Variants in ITPRID1 observed in about 807,000 individuals in gnomAD.
The protein encoded by ITPRID1 is ITPR interacting domain containing 1, also known as protein ITPRID1.
A neutral mutation model predicts 95.4 loss-of-function variants in ITPRID1; 96 were observed. The observed-to-expected ratio is 1.01, with a 90% confidence interval of 0.85 to 1.19. ITPRID1 has a LOEUF of 1.19. Among genes scored for constraint, ITPRID1 ranks in the 50% most tolerant of loss-of-function variants. The probability of loss-of-function intolerance (pLI) is 0.00; values close to 1 mark genes in which losing one functional copy is unlikely to be tolerated. For synonymous variants in ITPRID1, 510 were observed against 453.6 expected, an observed-to-expected ratio of 1.12 and a Z score of -1.58; for missense variants, 1,339 against 1,252.9, an observed-to-expected ratio of 1.07 and a Z score of -1.04.
chr7:31,571,020 A>AT (rs1784968063), intron 6 of ITPRID1, among the ~76,000 whole-genome samples: 1 of 127,050 alleles, frequency 7.9e-6, no homozygotes, highest in Admixed American at 7.7e-5. Flanking sequence ...GGGCCCAGCT[A>AT]TTGTTTTTTT....
chr7:31,600,188 T>A (rs1188298196), intron 10 of ITPRID1, among the ~76,000 whole-genome samples: 1 of 152,024 alleles, frequency 6.6e-6, no homozygotes, highest in Non-Finnish European at 1.5e-5. Flanking sequence ...GACAAATGAG[T>A]TATTAAATTG....
chr7:31,520,740 C>G (rs1344915705), intron 1 of ITPRID1, among the ~76,000 whole-genome samples: 1 of 152,104 alleles, frequency 6.6e-6, no homozygotes, highest in Non-Finnish European at 1.5e-5. Context: ...GCCCTCTCAA[C>G]AGATAGAGGG....
In ITPRID1 at chr7:31,643,210, T is replaced by C. The variant is rs1033355135; in HGVS notation, c.1840T>C (p.Ser614Pro). ...HTQDKFLHVD[S>P]EAPREEESSG... ...TCAAGACAAGTTCCTTCATGTTGAC[T>C]CTGAGGCCCCACGAGAAGAGGAAAG... The change falls in exon 12 of 15, where the codon TCT becomes CCT. Residue 614 changes from serine to proline, a missense_variant. By Grantham distance (74) the Ser-to-Pro change is moderately conservative. Transcript: ENST00000615280. The C allele has an allele frequency of 5.0e-6, 8 of 1,613,806 alleles. No individual in the cohort carries two copies. The African/African-American group carries it at 1.1e-4, about 22-fold the overall frequency.
At chr7:31,638,558 TAATA>T (rs1433050273) in intron 10 of ITPRID1, among the ~76,000 whole-genome samples, 4 of 152,194 alleles carry the variant, frequency 2.6e-5, no homozygotes, top group East Asian at 1.9e-4. Flanking sequence ...AAGATGTAGA[TAATA>T]AATAAATAAA....
chr7:31,630,957 T>C (rs1474797249), intron 10 of ITPRID1, among the ~76,000 whole-genome samples: 1 of 152,146 alleles, frequency 6.6e-6, no homozygotes, highest in Non-Finnish European at 1.5e-5. Flanking sequence ...AACAGTCTTT[T>C]TAGAGAATAT....
chr7:31,554,281 C>A, intron 3 of ITPRID1, 194 bp from the exon 4 acceptor site: 1 of 1,021,562 alleles, frequency 9.8e-7, no homozygotes. Flanking sequence ...CAAGTTTACA[C>A]TTCATTCTCA....
At chr7:31,514,607 G>A (rs1210940343) in intron 1 of ITPRID1, among the ~76,000 whole-genome samples, 1 of 152,088 alleles carries the variant, frequency 6.6e-6, no homozygotes, top group Non-Finnish European at 1.5e-5. Context: ...TTATAAGCAC[G>A]GTGTTGCTCC....
At chr7:31,617,303 C>T (rs565582918) in intron 10 of ITPRID1, among the ~76,000 whole-genome samples, 10 of 151,964 alleles carry the variant, frequency 6.6e-5, no homozygotes, top group African/African-American at 1.7e-4. Flanking sequence ...ATGGGTTTCT[C>T]AACAAGTATT....
chr7:31,519,059 A>G (rs1374174285), intron 1 of ITPRID1, among the ~76,000 whole-genome samples: 1 of 152,188 alleles, frequency 6.6e-6, no homozygotes, highest in African/African-American at 2.4e-5. Flanking sequence ...CTCATTGTAC[A>G]TATGAGAAAA....
intron 1 of ITPRID1, among the ~76,000 whole-genome samples, chr7:31,528,960 C>T (rs542385321): frequency 6.6e-6 from 1 of 152,252 alleles, no homozygotes; most frequent in South Asian, 2.1e-4. Flanking sequence ...AGCATTATGT[C>T]ATATATAAGA....
At chr7:31,650,337 A>G (rs1790838537) in intron 12 of ITPRID1, among the ~76,000 whole-genome samples, 1 of 152,166 alleles carries the variant, frequency 6.6e-6, no homozygotes, top group Non-Finnish European at 1.5e-5. Flanking sequence ...TCCCAGGGAC[A>G]CAGCCTTGTG....
chr7:31,617,185 A>C (rs2128170060), intron 10 of ITPRID1, among the ~76,000 whole-genome samples: 1 of 152,322 alleles, frequency 6.6e-6, no homozygotes, highest in Admixed American at 6.5e-5. Context: ...AGCCTGGAGA[A>C]GGGAAGATCC....
chr7:31,555,717 A>G (rs1285409961), intron 5 of ITPRID1, among the ~76,000 whole-genome samples: 1 of 152,174 alleles, frequency 6.6e-6, no homozygotes, highest in Non-Finnish European at 1.5e-5. Context: ...TTAGATGAAA[A>G]AATTATTAGT....
intron 9 of ITPRID1, among the ~76,000 whole-genome samples, chr7:31,580,313 A>AG (rs897428867): frequency 2.6e-5 from 4 of 151,428 alleles, no homozygotes; most frequent in African/African-American, 9.7e-5. Flanking sequence ...AAAAAAAAAA[A>AG]AAGAATGTTA....
Position 31,642,682 on chromosome 7 carries a change from A to T in ITPRID1, c.1312A>T (p.Met438Leu). ...CCCTTTGTCCTGGTTTCCCCTACAGATGCCTTCCTTGCCAAACAGCCAGAG... is the reference window on the plus strand; with the variant it reads ...CCCTTTGTCCTGGTTTCCCCTACAGTTGCCTTCCTTGCCAAACAGCCAGAG... ...EEPLEPLPLQ[M>L]PSLPNSQSPA... The change falls in exon 12 of 15, where the codon ATG becomes TTG. Residue 438 changes from methionine (M) to leucine (L), a missense_variant and splice_region_variant. Met to Leu is a conservative substitution (Grantham distance 15). Transcript: ENST00000615280. 1.9e-6 allele frequency: 3 copies of T among 1,612,890 alleles called. No homozygotes were observed. Among genetic ancestry groups the T allele is most frequent in the Non-Finnish European group, 2.5e-6 (3 of 1,179,238 alleles).
intron 9 of ITPRID1, among the ~76,000 whole-genome samples, chr7:31,580,858 G>A (rs186134444): frequency 6.6e-6 from 1 of 152,278 alleles, no homozygotes; most frequent in East Asian, 1.9e-4. Flanking sequence ...GGATTTGTGT[G>A]TGTGAGAGAC....
At chr7:31,647,441 C>T (rs1790566200) in intron 12 of ITPRID1, among the ~76,000 whole-genome samples, 2 of 151,274 alleles carry the variant, frequency 1.3e-5, no homozygotes. Context: ...ATGGGTGGAT[C>T]ACCTGAGGTT....
Position 31,519,620 on chromosome 7 carries a change from C to CTATA in ITPRID1, c.-98+5523_-98+5526dup, listed in dbSNP as rs750544823. ...TCTCTCTCTCTCTCTCTCTCTCTCT[C>CTATA]TATATATATATATATATATATATAT... On this transcript the variant is annotated intron_variant, in intron 1 of 14. Coordinates refer to ENST00000615280, the MANE Select transcript of ITPRID1 (RefSeq NM_001257967.3). 9.0e-3 allele frequency among the ~76,000 whole-genome samples: 226 copies of CTATA among 25,234 alleles called. 14 individuals are homozygous for CTATA. The highest frequency in any genetic ancestry group is 0.015 in the East Asian group (5 of 334). 16.6% of individuals were successfully genotyped at this position (25,234 alleles called of 152,430 possible).
At chr7:31,599,585 T>TTTTC (rs527461356) in intron 10 of ITPRID1, among the ~76,000 whole-genome samples, 7,653 of 112,558 alleles carry the variant, frequency 0.068, 358 homozygotes, top group East Asian at 0.085. Flanking sequence ...TGTTGTGTTA[T>TTTTC]TTTCTTTCTT....
Sources: allele counts gnomAD v4.1 joint callset (sites outside exome capture counted in the v4.1 genomes callset), GRCh38; gene constraint gnomAD v4.1.1; transcripts MANE v1.5; gene names NCBI Gene and HGNC (gene_info 2026-07-23, HGNC 2026-07-21).